The following TMEM267 variants were observed in gnomAD, a reference collection of about 807,000 sequenced individuals.
The protein encoded by TMEM267 is transmembrane protein C5orf28.
In TMEM267, 20 loss-of-function variants were observed where a neutral mutation model predicts 19.3. That is an observed-to-expected ratio of 1.04 (90% CI 0.73 to 1.51). The LOEUF (loss-of-function observed/expected upper bound fraction) is 1.51, where lower values mean the gene tolerates loss of function less well. TMEM267 is among the 40% of genes most tolerant of loss of function. The pLI, the probability that TMEM267 is intolerant of heterozygous loss-of-function variation, is 0.00. For synonymous variants in TMEM267, 88 were observed against 90.3 expected, an observed-to-expected ratio of 0.97 and a Z score of 0.15; for missense variants, 242 against 261.9, an observed-to-expected ratio of 0.92 and a Z score of 0.52.
chr5:43,460,181 GTGA>G (rs1031565743), intron 1 of TMEM267, among the ~76,000 whole-genome samples: 1 of 152,198 alleles, frequency 6.6e-6, no homozygotes, highest in Admixed American at 6.5e-5. Flanking sequence ...AGTAATGTCA[GTGA>G]TGGAGAGTGG....
chr5:43,471,479 A>T (rs571666838), intron 1 of TMEM267, among the ~76,000 whole-genome samples: 34 of 152,162 alleles, frequency 2.2e-4, no homozygotes, highest in Non-Finnish European at 4.1e-4. Context: ...GGCCCAGAAT[A>T]CCCAAAGCTA....
At chr5:43,473,192 T>C (rs1283207017) in intron 1 of TMEM267, among the ~76,000 whole-genome samples, 2 of 146,638 alleles carry the variant, frequency 1.4e-5, no homozygotes, top group African/African-American at 5.1e-5. Context: ...TAGTACTTGA[T>C]AGCACAACAG....
chr5:43,466,202 A>C (rs1743662405), intron 1 of TMEM267, among the ~76,000 whole-genome samples: 1 of 152,138 alleles, frequency 6.6e-6, no homozygotes, highest in Non-Finnish European at 1.5e-5. Flanking sequence ...GGCATTTAAT[A>C]ATAAAACTCC....
intron 2 of TMEM267, among the ~76,000 whole-genome samples, chr5:43,452,156 C>T (rs185984572): frequency 6.9e-4 from 104 of 150,458 alleles, no homozygotes; most frequent in Admixed American, 1.1e-3. Flanking sequence ...ATGATTATGA[C>T]AGCACTATAC....
chr5:43,452,714 G>A (rs1015362495), intron 2 of TMEM267, among the ~76,000 whole-genome samples: 3 of 152,118 alleles, frequency 2.0e-5, no homozygotes, highest in Admixed American at 2.0e-4. Context: ...TAGCACAAAA[G>A]TTTGTCTTTA....
chr5:43,454,160 A>C, intron 1 of TMEM267, 117 bp from the exon 2 acceptor site: 1 of 638,818 alleles, frequency 1.6e-6, no homozygotes, highest in Non-Finnish European at 2.5e-6. Context: ...AAATACTGGC[A>C]ACTTTTACAT....
chr5:43,479,634 GTAATAA>G (rs930615777), intron 1 of TMEM267, among the ~76,000 whole-genome samples: 1 of 151,972 alleles, frequency 6.6e-6, no homozygotes, highest in Admixed American at 6.6e-5. Context: ...TCATAGTTAT[GTAATAA>G]TAGACACAAG....
Position 43,446,549 on chromosome 5 carries a change from C to G in TMEM267, c.321G>C (p.Leu107Phe). 6.2e-7 allele frequency: 1 copy of G among 1,604,412 alleles called. No homozygotes were observed. The highest frequency in any genetic ancestry group is 8.5e-7 in the Non-Finnish European group (1 of 1,174,272). The change falls in exon 3 of 3, where the codon TTG becomes TTC. Residue 107 changes from leucine (L) to phenylalanine (F), a missense_variant. Transcript: ENST00000397080. ...GAAGGAAAGGTCTTCGCGGGAGAGT[C>G]AAAGCAGCCTGAGGGAGCAAAGTAA... is the stretch of plus-strand genomic sequence containing the variant. ...LAGSMSLKAA[L>F]TLPRRPFLHC...
At chr5:43,449,488 A>C (rs939157632) in intron 2 of TMEM267, among the ~76,000 whole-genome samples, 1 of 152,192 alleles carries the variant, frequency 6.6e-6, no homozygotes, top group African/African-American at 2.4e-5. Context: ...AAAAATGCAA[A>C]TCTATTAAAA....
At chr5:43,481,968 G>A (rs1303494286) in intron 1 of TMEM267, among the ~76,000 whole-genome samples, 1 of 152,054 alleles carries the variant, frequency 6.6e-6, no homozygotes, top group Non-Finnish European at 1.5e-5. Context: ...TCAGCCTCCC[G>A]AATAGCTGGG....
chr5:43,480,454 C>A (rs945596643), intron 1 of TMEM267, among the ~76,000 whole-genome samples: 1 of 152,004 alleles, frequency 6.6e-6, no homozygotes, highest in African/African-American at 2.4e-5. Context: ...GCTGGGACTA[C>A]AGGCAAGTGC....
chr5:43,467,921 T>G (rs1561194209), intron 1 of TMEM267, among the ~76,000 whole-genome samples: 1 of 152,198 alleles, frequency 6.6e-6, no homozygotes, highest in East Asian at 1.9e-4. Context: ...GGCCTTACTT[T>G]GAGCTGTATC....
intron 1 of TMEM267, among the ~76,000 whole-genome samples, chr5:43,473,773 A>G (rs993141664): frequency 2.0e-5 from 3 of 152,250 alleles, no homozygotes; most frequent in African/African-American, 7.2e-5. Flanking sequence ...TAAATTTCAC[A>G]TGGAACCAAA....
At chr5:43,481,707 TCAGCCCCAGTCAACCCTTCAGATGTCCG>T (rs988882820) in intron 1 of TMEM267, among the ~76,000 whole-genome samples, 2 of 152,112 alleles carry the variant, frequency 1.3e-5, no homozygotes, top group African/African-American at 4.8e-5. Context: ...AGCAGATCCT[TCAGCCCCAGTCAACCCTTCAGATGTCCG>T]CAGCCACTGC....
intron 2 of TMEM267, among the ~76,000 whole-genome samples, chr5:43,451,904 GC>G (rs1195960676): frequency 6.6e-6 from 1 of 151,732 alleles, no homozygotes; most frequent in Non-Finnish European, 1.5e-5. Flanking sequence ...GGGAGACCCT[GC>G]CTCTACAAAT....
In TMEM267 at chr5:43,454,059, G is replaced by A; in HGVS notation, c.-74-16C>T. On this transcript the variant is annotated splice_polypyrimidine_tract_variant and intron_variant, in intron 1 of 2. Coordinates refer to ENST00000397080, the MANE Select transcript of TMEM267 (RefSeq NM_022483.5). The stretch of plus-strand genomic sequence containing the variant: ...TTCCAGCACCCTAAAGGAGAAAGTA[G>A]AGAAAAATATGAATGAAGATTATGG... 1.4e-6 allele frequency: 2 copies of A among 1,476,964 alleles called. No homozygotes were observed. The highest frequency in any genetic ancestry group is 9.0e-7 in the Non-Finnish European group (1 of 1,108,092). The allele number at this position is 1,476,964 out of a possible 1,614,324, so 91.5% of individuals were successfully genotyped here.
intron 2 of TMEM267, among the ~76,000 whole-genome samples, chr5:43,453,402 C>T (rs1400986113): frequency 6.6e-6 from 1 of 152,208 alleles, no homozygotes; most frequent in Admixed American, 6.5e-5. Flanking sequence ...CCTCTGTAAG[C>T]CAGCACTGAA....
chr5:43,473,106 C>A (rs373403769), intron 1 of TMEM267, among the ~76,000 whole-genome samples: 2 of 133,090 alleles, frequency 1.5e-5, no homozygotes, highest in African/African-American at 6.1e-5. Context: ...CCACTGCACT[C>A]CAGCCTGGAC....
intron 1 of TMEM267, among the ~76,000 whole-genome samples, chr5:43,455,420 TAA>T (rs35873992): frequency 7.1e-6 from 1 of 141,292 alleles, no homozygotes. Flanking sequence ...GACCCTGTCT[TAA>T]AAAAAAAAAA....
Sources: allele counts gnomAD v4.1 joint callset (sites outside exome capture counted in the v4.1 genomes callset), GRCh38; gene constraint gnomAD v4.1.1; transcripts MANE v1.5; gene names NCBI Gene and HGNC (gene_info 2026-07-23, HGNC 2026-07-21).